Variants in MTHFD1L observed in about 807,000 individuals in gnomAD.
The protein encoded by MTHFD1L is monofunctional C1-tetrahydrofolate synthase, mitochondrial.
A neutral mutation model predicts 119.5 loss-of-function variants in MTHFD1L; 81 were observed. The ratio of observed to expected loss-of-function variants is 0.68; its 90% CI spans 0.57 to 0.82. The LOEUF (loss-of-function observed/expected upper bound fraction) is 0.82. Ranked by LOEUF, MTHFD1L falls within the 40% of genes least tolerant of loss-of-function variation. The pLI, the probability that MTHFD1L is intolerant of heterozygous loss-of-function variation, is 0.00. For synonymous variants in MTHFD1L, 430 were observed against 475.2 expected, an observed-to-expected ratio of 0.90 and a Z score of 1.24; for missense variants, 1,125 against 1,253.4, an observed-to-expected ratio of 0.90 and a Z score of 1.55.
At chr6:150,908,128 G>A (rs712207) in intron 8 of MTHFD1L, among the ~76,000 whole-genome samples, 35,450 of 148,348 alleles carry the variant, frequency 0.24, 4,998 homozygotes, top group East Asian at 0.6. Flanking sequence ...GGTTGGTTTC[G>A]AACTCCTGAC....
rs1562570854 is a variant in MTHFD1L at position 151,034,568 on chromosome 6, G to T, written c.2662G>T (p.Ala888Ser). Residue 888 changes from alanine (A) to serine (S), a missense_variant, in exon 25 of 28, where the codon GCA becomes TCA. Transcript: ENST00000367321. ...CAAAGATATTGAACTCTCTCCTGAG[G>T]CACAAGCCAAAATAGATCGTTACAC... ...GAKDIELSPE[A>S]QAKIDRYTQQ... is the part of the protein sequence containing the mutation. 3.7e-6 allele frequency: 6 copies of T among 1,611,498 alleles called. No individual in the cohort carries two copies. In the Admixed American group the frequency reaches 8.3e-5, roughly 22 times the overall value.
At chr6:150,921,307 C>T (rs1263275311) in intron 9 of MTHFD1L, among the ~76,000 whole-genome samples, 2 of 151,814 alleles carry the variant, frequency 1.3e-5, no homozygotes, top group Admixed American at 6.6e-5. Flanking sequence ...TTAGTAGAGA[C>T]GGGGTTTCTC....
At chr6:151,098,040 G>T (rs1254893956) in intron 27 of MTHFD1L, among the ~76,000 whole-genome samples, 3 of 152,094 alleles carry the variant, frequency 2.0e-5, no homozygotes, top group Admixed American at 2.0e-4. Context: ...CAGGCGTCAT[G>T]GCACGCACCT....
chr6:150,906,663 A>G (rs1274839264), intron 8 of MTHFD1L, among the ~76,000 whole-genome samples: 4 of 152,192 alleles, frequency 2.6e-5, no homozygotes, highest in Admixed American at 1.3e-4. Context: ...TTTTATCCCT[A>G]AAGCTGGGCA....
At chr6:150,877,213 G>A (rs1369893114) in intron 2 of MTHFD1L, among the ~76,000 whole-genome samples, 1 of 151,966 alleles carries the variant, frequency 6.6e-6, no homozygotes, top group African/African-American at 2.4e-5. Context: ...CCATCACGCC[G>A]GGCTAATGTT....
At chr6:151,067,590 C>G (rs997387238) in intron 26 of MTHFD1L, among the ~76,000 whole-genome samples, 3 of 152,242 alleles carry the variant, frequency 2.0e-5, no homozygotes, top group Admixed American at 6.5e-5. Flanking sequence ...TCCCAAAGTG[C>G]TGGGATTACA....
intron 26 of MTHFD1L, among the ~76,000 whole-genome samples, chr6:151,069,891 T>C (rs1381684381): frequency 6.6e-6 from 1 of 152,238 alleles, no homozygotes; most frequent in Non-Finnish European, 1.5e-5. Flanking sequence ...AGAAGCTATG[T>C]TTTTCTATTT....
intron 12 of MTHFD1L, among the ~76,000 whole-genome samples, chr6:150,938,346 C>T (rs1032316425): frequency 6.6e-6 from 1 of 152,096 alleles, no homozygotes; most frequent in Admixed American, 6.6e-5. Flanking sequence ...ACAAAGTTTG[C>T]TCAGATATGA....
chr6:150,876,545 T>A (rs560874567), intron 2 of MTHFD1L, among the ~76,000 whole-genome samples: 1 of 152,240 alleles, frequency 6.6e-6, no homozygotes, highest in Non-Finnish European at 1.5e-5. Context: ...AGATGCTAGA[T>A]GAAACATGGA....
At chr6:151,078,619 C>T (rs1792817134) in intron 26 of MTHFD1L, among the ~76,000 whole-genome samples, 1 of 152,158 alleles carries the variant, frequency 6.6e-6, no homozygotes, top group African/African-American at 2.4e-5. Flanking sequence ...TGGCTGTCAG[C>T]TGGAGGCCAC....
intron 26 of MTHFD1L, among the ~76,000 whole-genome samples, chr6:151,061,405 G>T (rs951981222): frequency 5.3e-5 from 8 of 152,120 alleles, no homozygotes. Context: ...TAATGGTCAC[G>T]TACCAAATTT....
At chr6:151,056,942 G>A (rs993230121) in intron 26 of MTHFD1L, among the ~76,000 whole-genome samples, 2 of 152,194 alleles carry the variant, frequency 1.3e-5, no homozygotes, top group African/African-American at 4.8e-5. Flanking sequence ...GACAATAAAT[G>A]TTGGGGTTCT....
intron 7 of MTHFD1L, among the ~76,000 whole-genome samples, chr6:150,889,069 C>T (rs1459270190): frequency 2.0e-5 from 3 of 152,012 alleles, no homozygotes; most frequent in South Asian, 2.1e-4. Flanking sequence ...CCCAGCTACT[C>T]GGGAAGCTGA....
intron 26 of MTHFD1L, among the ~76,000 whole-genome samples, chr6:151,078,242 A>C (rs1468557584): frequency 6.6e-6 from 1 of 152,002 alleles, no homozygotes; most frequent in Non-Finnish European, 1.5e-5. Flanking sequence ...GCTTGAGCCC[A>C]GCCTGGGCAA....
At chr6:150,886,918 C>G (rs575537309) in intron 6 of MTHFD1L, among the ~76,000 whole-genome samples, 3 of 150,870 alleles carry the variant, frequency 2.0e-5, no homozygotes, top group Admixed American at 2.0e-4. Flanking sequence ...ATGGCTGGAG[C>G]CTGGGAGGTC....
rs191643332 is a variant in MTHFD1L, at chr6:151,100,245, A to C, written c.*32-1281A>C. ...TAGACACGGGGTTTCACCGTGTTAG[A>C]CAGGATGGTCTTGATCTCCTGACCT... is the stretch of plus-strand genomic sequence containing the variant. On this transcript the variant is annotated intron_variant, in intron 27 of 27. Transcript: ENST00000367321. 5.1e-3 allele frequency among the ~76,000 whole-genome samples: 778 copies of C among 152,102 alleles called. 10 individuals are homozygous for C. Among genetic ancestry groups the C allele is most frequent in the African/African-American group, 0.018 (734 of 41,490 alleles).
intron 26 of MTHFD1L, among the ~76,000 whole-genome samples, chr6:151,050,113 C>A (rs917771750): frequency 1.4e-5 from 2 of 146,694 alleles, no homozygotes; most frequent in Admixed American, 1.3e-4. Flanking sequence ...CCTCTTCCCC[C>A]ATACCTCGCC....
chr6:151,047,027 A>G (rs866252445), intron 26 of MTHFD1L, among the ~76,000 whole-genome samples: 5 of 152,212 alleles, frequency 3.3e-5, no homozygotes, highest in South Asian at 2.1e-4. Flanking sequence ...TACAGGCTTA[A>G]CTATGTATGT....
chr6:150,932,161 C>CAAAAA lies in MTHFD1L; in HGVS notation c.1257-4623_1257-4619dup, dbSNP rs5880902. The stretch of plus-strand genomic sequence containing the variant: ...TGGGCAACAGAGTGAGACTCCATCT[C>CAAAAA]AAAAAAAAAAAAAAAAAAAAAAAAG... On this transcript the variant is annotated intron_variant, in intron 11 of 27. Coordinates refer to ENST00000367321, the MANE Select transcript of MTHFD1L (RefSeq NM_015440.5). Among the ~76,000 whole-genome samples, 189 of 39,444 alleles carry CAAAAA rather than the reference C, an allele frequency of 4.8e-3. 15 individuals are homozygous for CAAAAA. Among genetic ancestry groups the CAAAAA allele is most frequent in the African/African-American group, 0.011 (108 of 9,564 alleles). 25.9% of individuals were successfully genotyped at this position (39,444 alleles called of 152,430 possible).
Sources: gnomAD v4.1 joint callset for allele counts (sites outside exome capture counted in the v4.1 genomes callset) on GRCh38, gnomAD v4.1.1 for gene constraint, MANE v1.5 for transcripts, NCBI Gene and HGNC (gene_info 2026-07-23, HGNC 2026-07-21) for gene names.